Variants in NAV2 observed in about 807,000 individuals in gnomAD.
NAV2 encodes helicase, APC down-regulated 1.
NAV2 carries 54 observed loss-of-function variants against 223.2 expected under a neutral mutation model. The observed-to-expected ratio is 0.24, with a 90% CI of 0.19 to 0.30. The LOEUF (loss-of-function observed/expected upper bound fraction) is 0.30, where lower values mean the gene tolerates loss of function less well. Ranked by LOEUF, NAV2 falls within the 10% of genes least tolerant of loss-of-function variation. The probability of loss-of-function intolerance (pLI) is 1.00; values close to 1 mark genes in which losing one functional copy is unlikely to be tolerated. For missense variants in NAV2, 2,806 were observed against 3,147.5 expected (o/e 0.89, Z 2.60); for synonymous variants, 1,279 against 1,239.3 (o/e 1.03, Z -0.67).
intron 11 of NAV2, among the ~76,000 whole-genome samples, chr11:19,987,544 C>T (rs1432440076): frequency 6.6e-6 from 1 of 152,198 alleles, no homozygotes; most frequent in Non-Finnish European, 1.5e-5. Context: ...CAGGAAAAGA[C>T]CTTAAGGGAC....
At chr11:19,516,069 A>G (rs958532467) in intron 1 of NAV2, among the ~76,000 whole-genome samples, 1 of 152,248 alleles carries the variant, frequency 6.6e-6, no homozygotes, top group Non-Finnish European at 1.5e-5. Flanking sequence ...AGCTGGAGTT[A>G]TGAGCATGTA....
chr11:19,898,813 C>T (rs1483876983), intron 6 of NAV2, among the ~76,000 whole-genome samples: 1 of 152,316 alleles, frequency 6.6e-6, no homozygotes, highest in Non-Finnish European at 1.5e-5. Context: ...CTTGATAGCA[C>T]TTTTATCACT....
At chr11:20,097,015 A>AGTGACTCCTAGTCACCTCCTAG in intron 30 of NAV2, among the ~76,000 whole-genome samples, 1 of 152,214 alleles carries the variant, frequency 6.6e-6, no homozygotes, top group Admixed American at 6.5e-5. Context: ...CTCCTAGTAC[A>AGTGACTCCTAGTCACCTCCTAG]TGGACCTTAG....
chr11:20,035,869 T>G, intron 11 of NAV2, 90 bp from the exon 12 acceptor site: 1 of 1,498,426 alleles, frequency 6.7e-7, no homozygotes, highest in Non-Finnish European at 9.1e-7. Flanking sequence ...ATTGGATCTT[T>G]TCGGGGATGG....
At chr11:19,895,852 T>C (rs1040916140) in intron 6 of NAV2, among the ~76,000 whole-genome samples, 6 of 152,168 alleles carry the variant, frequency 3.9e-5, no homozygotes, top group Admixed American at 3.9e-4. Context: ...TTGCAGCTCC[T>C]GAGGTAGCCA....
intron 11 of NAV2, among the ~76,000 whole-genome samples, chr11:20,030,550 T>C (rs1344740728): frequency 1.3e-5 from 2 of 152,236 alleles, no homozygotes; most frequent in Non-Finnish European, 2.9e-5. Context: ...CCTACAAAAT[T>C]AGTGCTGTTT....
intron 1 of NAV2, among the ~76,000 whole-genome samples, chr11:19,631,659 C>T (rs190700512): frequency 5.1e-4 from 78 of 152,356 alleles, no homozygotes; most frequent in African/African-American, 1.7e-3. Flanking sequence ...TAAGGAGAGA[C>T]TTGCATTCAA....
At chr11:19,873,713 A>G (rs2062670578) in intron 4 of NAV2, among the ~76,000 whole-genome samples, 1 of 152,042 alleles carries the variant, frequency 6.6e-6, no homozygotes, top group Admixed American at 6.5e-5. Flanking sequence ...TCCTACCTAT[A>G]TTACCTGAGT....
intron 1 of NAV2, among the ~76,000 whole-genome samples, chr11:19,730,621 G>A (rs1033849322): frequency 2.0e-5 from 3 of 152,314 alleles, no homozygotes; most frequent in South Asian, 2.1e-4. Flanking sequence ...GAGCAGCTGG[G>A]GTGGGCTCCG....
chr11:19,626,312 A>G (rs2047168751), intron 1 of NAV2, among the ~76,000 whole-genome samples: 1 of 152,184 alleles, frequency 6.6e-6, no homozygotes, highest in African/African-American at 2.4e-5. Context: ...TGTTCTTGGC[A>G]TCTTTGTCAA....
chr11:19,497,308 G>A (rs1434492620), intron 1 of NAV2, among the ~76,000 whole-genome samples: 1 of 152,224 alleles, frequency 6.6e-6, no homozygotes, highest in Non-Finnish European at 1.5e-5. Flanking sequence ...TGCCGTATAA[G>A]AATTTGTGAA....
At chr11:19,663,814 A>G (rs1392758515) in intron 1 of NAV2, among the ~76,000 whole-genome samples, 1 of 152,246 alleles carries the variant, frequency 6.6e-6, no homozygotes, top group African/African-American at 2.4e-5. Context: ...AGAGCCTCAC[A>G]TACAATAACA....
intron 10 of NAV2, among the ~76,000 whole-genome samples, chr11:19,962,394 G>A (rs2048415499): frequency 6.6e-6 from 1 of 152,060 alleles, no homozygotes; most frequent in African/African-American, 2.4e-5. Flanking sequence ...TTGTGGCCCA[G>A]CCAAGTTGAC....
intron 1 of NAV2, among the ~76,000 whole-genome samples, chr11:19,745,725 A>C (rs1565243580): frequency 6.6e-6 from 1 of 152,118 alleles, no homozygotes; most frequent in East Asian, 1.9e-4. Flanking sequence ...GGAGTGTGCA[A>C]CCTAGATCCC....
At chr11:19,682,006 T>A (rs1049359250) in intron 1 of NAV2, among the ~76,000 whole-genome samples, 2 of 152,128 alleles carry the variant, frequency 1.3e-5, no homozygotes, top group Non-Finnish European at 2.9e-5. Flanking sequence ...ATCAAGCAGC[T>A]GAGAGAGAGC....
chr11:19,389,308 G>C (rs1474136548), intron 1 of NAV2, among the ~76,000 whole-genome samples: 1 of 152,216 alleles, frequency 6.6e-6, no homozygotes, highest in Non-Finnish European at 1.5e-5. Context: ...AAGCCTTTAA[G>C]ATAGAGACTT....
At chr11:19,778,083 C>T (rs1201864305) in intron 1 of NAV2, 1 of 414,232 alleles carries the variant, frequency 2.4e-6, no homozygotes, top group Non-Finnish European at 4.9e-6. Flanking sequence ...CTTTTTCCCT[C>T]CTCCGTTTTC....
At chr11:19,674,142 C>A (rs369096241) in intron 1 of NAV2, among the ~76,000 whole-genome samples, 1 of 152,210 alleles carries the variant, frequency 6.6e-6, no homozygotes, top group Non-Finnish European at 1.5e-5. Context: ...TATTCCTCTG[C>A]GCTCTCTCCT....
chr11:19,365,943 G>C (rs1848262358), intron 1 of NAV2, among the ~76,000 whole-genome samples: 1 of 152,250 alleles, frequency 6.6e-6, no homozygotes, highest in Non-Finnish European at 1.5e-5. Context: ...ATGAGTGAAA[G>C]CCCAAAGGGA....
Sources: gnomAD v4.1 joint callset for allele counts (sites outside exome capture counted in the v4.1 genomes callset) on GRCh38, gnomAD v4.1.1 for gene constraint, MANE v1.5 for transcripts, NCBI Gene and HGNC (gene_info 2026-07-23, HGNC 2026-07-21) for gene names.